XIST: variants seen among roughly 807,000 people sequenced by gnomAD.
XIST encodes the protein X inactive specific transcript (non-protein coding).
At chrX:73,820,933 G>T in exon 6 of XIST, 1 of 559,012 alleles carries the variant, frequency 1.8e-6, no homozygotes, top group Non-Finnish European at 3.2e-6. Flanking sequence ...CATAAAAGCA[G>T]ATTTATTCAT....
chrX:73,824,907 A>G, exon 6 of XIST: 2 of 550,954 alleles, frequency 3.6e-6, no homozygotes, highest in South Asian at 2.3e-5. Flanking sequence ...CTCTTATTAC[A>G]TAGGAGAATT....
chrX:73,832,008 C>T (rs1322456611), intron 3 of XIST, among the ~76,000 whole-genome samples: 1 of 111,808 alleles, frequency 8.9e-6, no homozygotes, highest in Non-Finnish European at 1.9e-5. Flanking sequence ...TCGGAGAAAC[C>T]AAGAATGGTC....
chrX:73,822,595 G>T, exon 6 of XIST: 1 of 511,492 alleles, frequency 2.0e-6, no homozygotes, highest in Non-Finnish European at 3.5e-6. Flanking sequence ...TTTTCGTCAT[G>T]ATTTTTTTTG....
chrX:73,823,796 G>C, exon 6 of XIST: 1 of 556,952 alleles, frequency 1.8e-6, no homozygotes, highest in South Asian at 2.2e-5. Context: ...TTTCATCACT[G>C]AATAAACTTG....
chrX:73,841,220 G>A (rs969461959), intron 1 of XIST: 14 of 355,931 alleles, frequency 3.9e-5, no homozygotes, highest in African/African-American at 3.6e-4. Context: ...ATTTATGCAT[G>A]TATGTATGTA....
intron 2 of XIST, among the ~76,000 whole-genome samples, chrX:73,835,833 T>C (rs989088074): frequency 1.8e-5 from 2 of 112,038 alleles, no homozygotes; most frequent in African/African-American, 3.2e-5. Context: ...TAATATCTAA[T>C]ATAAAATATT....
exon 1 of XIST, chrX:73,852,523 A>C: frequency 3.7e-6 from 2 of 538,516 alleles, no homozygotes; most frequent in Non-Finnish European, 6.6e-6. Context: ...TTAAAAAAAT[A>C]TGGAGGACGT....
At chrX:73,849,235 G>C (rs1343496743) in exon 1 of XIST, 4 of 557,314 alleles carry the variant, frequency 7.2e-6, no homozygotes, top group Non-Finnish European at 1.3e-5. Context: ...CAGAAGCACA[G>C]CAAAAAGCGC....
intron 4 of XIST, chrX:73,829,232 C>T (rs750582315): frequency 1.8e-6 from 1 of 553,182 alleles, no homozygotes; most frequent in South Asian, 2.3e-5. Context: ...CAATGAAGAG[C>T]TATAAAAAAA....
intron 1 of XIST, among the ~76,000 whole-genome samples, chrX:73,838,398 T>C (rs1922524581): frequency 1.8e-5 from 2 of 111,414 alleles, no homozygotes; most frequent in African/African-American, 6.5e-5. Context: ...AGCATTCTAA[T>C]TGGTTAAGGA....
chrX:73,821,823 C>A (rs1569511385), exon 6 of XIST: 1 of 531,889 alleles, frequency 1.9e-6, no homozygotes, highest in East Asian at 3.4e-5. Flanking sequence ...AAAACTTAAG[C>A]ATGGTAAAAT....
At chrX:73,844,303 A>G (rs371600152) in exon 1 of XIST, 3 of 557,140 alleles carry the variant, frequency 5.4e-6, no homozygotes, top group African/African-American at 2.2e-5. Flanking sequence ...GTTGTGGTCA[A>G]TTAAAACCAT....
At chrX:73,826,945 C>T (rs1370614726) in exon 6 of XIST, 5 of 556,774 alleles carry the variant, frequency 9.0e-6, no homozygotes, top group South Asian at 2.2e-5. Context: ...CCAACTCAGG[C>T]CTTCGGTCCA....
At chrX:73,851,185 G>C (rs772468105) in exon 1 of XIST, 2 of 559,441 alleles carry the variant, frequency 3.6e-6, no homozygotes, top group Non-Finnish European at 3.2e-6. Flanking sequence ...CCCGCTCTGC[G>C]TGGCACTAGG....
At chrX:73,849,155 A>T (rs1360215825) in exon 1 of XIST, 2 of 559,429 alleles carry the variant, frequency 3.6e-6, no homozygotes, top group South Asian at 4.4e-5. Context: ...GGTAGTCTTC[A>T]TGATTAATGG....
exon 6 of XIST, chrX:73,826,586 A>G: frequency 1.8e-6 from 1 of 559,407 alleles, no homozygotes; most frequent in Non-Finnish European, 3.2e-6. Context: ...AAACAGGAGA[A>G]CTGGAAATAT....
At chrX:73,851,115 C>T (rs1364376893) in exon 1 of XIST, 2 of 557,902 alleles carry the variant, frequency 3.6e-6, no homozygotes, top group African/African-American at 4.5e-5. Flanking sequence ...ATCAATTCCA[C>T]CCCCATTTCT....
exon 1 of XIST, chrX:73,847,168 G>T (rs370407426): frequency 5.4e-6 from 3 of 557,498 alleles, no homozygotes; most frequent in Non-Finnish European, 9.7e-6. Context: ...AAGTACAGCA[G>T]CAAATATAAG....
At chrX:73,852,283 G>T (rs1447999653) in exon 1 of XIST, 1 of 537,711 alleles carries the variant, frequency 1.9e-6, no homozygotes, top group African/African-American at 2.3e-5. Flanking sequence ...AGGTATCCGC[G>T]GCCCCGATGG....
Sources: allele counts gnomAD v4.1 joint callset (sites outside exome capture counted in the v4.1 genomes callset), GRCh38; gene constraint gnomAD v4.1.1; transcripts MANE v1.5; gene names NCBI Gene and HGNC (gene_info 2026-07-23, HGNC 2026-07-21).